The following TSC2 variants were observed in gnomAD, a reference collection of about 807,000 sequenced individuals.
TSC2 encodes the protein TSC complex subunit 2, also known as tuberin.
In TSC2, 29 loss-of-function variants were observed where a neutral mutation model predicts 202.2. The ratio of observed to expected loss-of-function variants is 0.14; its 90% CI spans 0.11 to 0.20. The LOEUF (loss-of-function observed/expected upper bound fraction) is 0.20. Among genes scored for constraint, TSC2 ranks in the 10% least tolerant of loss-of-function variants. The pLI is 1.00. For synonymous variants in TSC2, 1,349 were observed against 1,044.0 expected (o/e 1.29, Z -5.63); for missense variants, 2,429 against 2,420.0 (o/e 1.00, Z -0.08).
At chr16:2,080,685 T>A (rs9936277) in intron 30 of TSC2, 2 of 373,756 alleles carry the variant, frequency 5.4e-6, no homozygotes, top group East Asian at 5.7e-5. Flanking sequence ...GGGGTTTCAC[T>A]GTGTTAGCCA....
chr16:2,063,949 C>T (rs994053952), intron 14 of TSC2: 4 of 460,688 alleles, frequency 8.7e-6, no homozygotes, highest in Non-Finnish European at 1.6e-5. Context: ...CGCACAGCAC[C>T]ATGTGGGAGG....
chr16:2,084,186 G>GT, intron 33 of TSC2, 42 bp from the exon 34 acceptor site: 2 of 1,552,592 alleles, frequency 1.3e-6, no homozygotes, highest in Non-Finnish European at 1.7e-6. Flanking sequence ...GGGCTCGAGG[G>GT]TGCCTGCTGA....
intron 16 of TSC2, among the ~76,000 whole-genome samples, chr16:2,066,651 CTTTTT>C (rs34619573): frequency 1.0e-5 from 1 of 98,458 alleles, no homozygotes; most frequent in Non-Finnish European, 1.9e-5. Context: ...TCTGATTTAT[CTTTTT>C]TTTTTTTTTT....
Position 2,076,741 on chromosome 16 carries a change from A to ACCCCTCAG in TSC2, c.2837+166_2837+173dup, listed in dbSNP as rs576003937. 2.3e-4 allele frequency: 171 copies of ACCCCTCAG among 751,392 alleles called. 2 individuals carry two copies. The South Asian group carries it at 2.6e-3, about 12-fold the overall frequency. The allele number at this position is 751,392 out of a possible 1,614,324, so 46.5% of individuals were successfully genotyped here. A position where few individuals can be genotyped will look rare whatever the true frequency, so the allele number is the denominator to read the frequency against. On this transcript the variant is annotated intron_variant, in intron 25 of 41. Transcript: ENST00000219476. The stretch of plus-strand genomic sequence containing the variant: ...GGCAGGACCTGCAAGGGCCGCTAAC[A>ACCCCTCAG]CCCCTCAGCCCCTCAGCAGGTTGGC...
rs2091243947 is a variant in TSC2 at position 2,088,721 on chromosome 16, G to C, written c.*111G>C. 3.5e-6 allele frequency: 5 copies of C among 1,411,910 alleles called. No individual in the cohort carries two copies. The highest frequency in any genetic ancestry group is 2.9e-5 in the African/African-American group (2 of 69,682). 87.5% of individuals were successfully genotyped at this position (1,411,910 alleles called of 1,614,324 possible). A position where few individuals can be genotyped will look rare whatever the true frequency, so the allele number is the denominator to read the frequency against. On this transcript the variant is annotated 3_prime_UTR_variant, in exon 42 of 42. Transcript: ENST00000219476. ...TAGAGGCACAGATTGCAGTCAGACA[G>C]CTCTTTTATTGACTTTGTCTGCTTG... is the stretch of plus-strand genomic sequence containing the variant.
Position 2,071,590 on chromosome 16 carries a change from C to T in TSC2, c.1920C>T (p.Phe640=), listed in dbSNP as rs2151298515. 1.2e-6 allele frequency: 2 copies of T among 1,613,464 alleles called. No homozygotes were observed. Among genetic ancestry groups the T allele is most frequent in the South Asian group, 2.2e-5 (2 of 91,082 alleles). The change falls in exon 18 of 42, where the codon TTC becomes TTT. Residue 640 remains phenylalanine, a synonymous_variant. Transcript: ENST00000219476. ...GLPNKDGVVR[F]SPYCVCDYME... Reference sequence around the variant, plus strand: ...CCAACAAGGATGGAGTCGTGCGGTTCAGCCCCTACTGCGTCTGCGACTACA... The same window carrying T: ...CCAACAAGGATGGAGTCGTGCGGTTTAGCCCCTACTGCGTCTGCGACTACA...
At chr16:2,075,752 G>T in intron 22 of TSC2, 47 bp from the exon 23 acceptor site, 1 of 1,595,110 alleles carries the variant, frequency 6.3e-7, no homozygotes, top group South Asian at 1.1e-5. Flanking sequence ...CTTCAGAGGC[G>T]CTGCACGGGA....
intron 32 of TSC2, 105 bp from the exon 33 acceptor site, chr16:2,083,590 G>T: frequency 6.5e-7 from 1 of 1,533,192 alleles, no homozygotes. Flanking sequence ...GAGGCTCGCA[G>T]GGCTGCTGTC....
rs1555500558 is a variant in TSC2 at position 2,060,771 on chromosome 16, C to T, written c.1077C>T (p.Asp359=). ...AGGAGCTCCAGGTGGTGGCGTGGGA[C>T]ATTCTGCTGAACATCATCGAACGGC... is the stretch of plus-strand genomic sequence containing the variant. ...YRKELQVVAW[D]ILLNIIERLL... Residue 359 remains aspartate, a synonymous_variant, in exon 11 of 42, where the codon GAC becomes GAT. Coordinates refer to ENST00000219476, the MANE Select transcript of TSC2 (RefSeq NM_000548.5). 9 of 1,613,922 alleles carry T rather than the reference C, an allele frequency of 5.6e-6. No individual in the cohort carries two copies. Among genetic ancestry groups the T allele is most frequent in the Non-Finnish European group, 6.8e-6 (8 of 1,179,918 alleles).
chr16:2,069,070 G>A (rs1458197174), intron 16 of TSC2, among the ~76,000 whole-genome samples: 1 of 152,070 alleles, frequency 6.6e-6, no homozygotes, highest in Non-Finnish European at 1.5e-5. Flanking sequence ...GACCCATGAA[G>A]GCCAGCCTCG....
intron 15 of TSC2, 88 bp from the exon 16 acceptor site, chr16:2,065,431 A>G (rs1596316570): frequency 1.2e-6 from 1 of 851,874 alleles, no homozygotes; most frequent in East Asian, 2.8e-5. Context: ...AAAAAAAAAA[A>G]AAAAAGGTGT....
At position 2,060,708 on chromosome 16, in the gene TSC2, C is replaced by A; in HGVS notation, c.1014C>A (p.Ile338=). The change falls in exon 11 of 42, where the codon ATC becomes ATA. Residue 338 remains isoleucine (I), a synonymous_variant. Coordinates refer to ENST00000219476, the MANE Select transcript of TSC2 (RefSeq NM_000548.5). ...ACPNEVVSYE[I]VLSITRLIKK... ...CGAACGAGGTGGTGTCCTATGAGAT[C>A]GTCCTGTCCATCACCAGGCTCATCA... The A allele has an allele frequency of 6.2e-7, 1 of 1,614,134 alleles. No individual in the cohort carries two copies. Among genetic ancestry groups the A allele is most frequent in the Non-Finnish European group, 8.5e-7 (1 of 1,180,032 alleles).
rs1230726900 is a variant in TSC2, at chr16:2,088,544, T to G, written c.5358T>G (p.Pro1786=). Residue 1786 remains proline, a synonymous_variant, in exon 42 of 42, where the codon CCT becomes CCG. Transcript: ENST00000219476. ...CACAGACTCCAGCCGAGCCCACACC[T>G]GGCTATGAGGTGGGCCAGCGGAAGC... The part of the protein sequence containing the change: ...APAQTPAEPT[P]GYEVGQRKRL... 6.2e-7 allele frequency: 1 copy of G among 1,612,062 alleles called. No individual in the cohort carries two copies. The highest frequency in any genetic ancestry group is 2.2e-5 in the East Asian group (1 of 44,868).
At position 2,077,703 on chromosome 16, in the gene TSC2, T is replaced by C. The variant is rs1596375342; in HGVS notation, c.2943T>C (p.Ser981=). 6.2e-7 allele frequency: 1 copy of C among 1,612,966 alleles called. No homozygotes were observed. The highest frequency in any genetic ancestry group is 8.5e-7 in the Non-Finnish European group (1 of 1,180,012). Residue 981 remains serine (S), a synonymous_variant, in exon 26 of 42, where the codon AGT becomes AGC. Transcript: ENST00000219476. ...AGGCCTTCCGGTGCCGCAGCATCAG[T>C]GTGTCTGAACATGTGGTCCGCAGGT... is the stretch of plus-strand genomic sequence containing the variant. The part of the protein sequence containing the change: ...AAEAFRCRSI[S]VSEHVVRSRI...
rs2090761880 is a variant in TSC2, at chr16:2,086,178, C to T, written c.4663-15C>T. The T allele has an allele frequency of 1.2e-6, 2 of 1,611,636 alleles. No homozygotes were observed. Among genetic ancestry groups the T allele is most frequent in the South Asian group, 1.1e-5 (1 of 91,072 alleles). ...CCGGGAGTGATGCCACCCTGCCTCTCCCCTCTCCCCACAGAGCAACAGCGA... is the reference window on the plus strand; with the variant it reads ...CCGGGAGTGATGCCACCCTGCCTCTTCCCTCTCCCCACAGAGCAACAGCGA... On this transcript the variant is annotated splice_polypyrimidine_tract_variant and intron_variant, in intron 36 of 41. Transcript: ENST00000219476.
Position 2,081,744 on chromosome 16 carries a change from T to A in TSC2, c.3760T>A (p.Ser1254Thr). The change falls in exon 31 of 42, where the codon TCG (serine) becomes ACG (threonine). Residue 1254 changes from serine to threonine, a missense_variant. Ser to Thr is a moderately conservative substitution (Grantham distance 58). Transcript: ENST00000219476. ...HRDTALYKSL[S>T]VPAASTAKPP... ...GGACACAGCCCTGTACAAGTCACTG[T>A]CGGTGCCGGCAGCCAGCACGGCCAA... is the stretch of plus-strand genomic sequence containing the variant. The A allele has an allele frequency of 6.2e-7, 1 of 1,612,898 alleles. No individual in the cohort carries two copies. Among genetic ancestry groups the A allele is most frequent in the South Asian group, 1.1e-5 (1 of 91,082 alleles).
In TSC2 at chr16:2,089,029, CTT is replaced by C. The variant is rs2091296749; in HGVS notation, c.*420_*421del. 1 of 206,666 alleles carries C rather than the reference CTT, an allele frequency of 4.8e-6. No individual in the cohort carries two copies. Among genetic ancestry groups the C allele is most frequent in the Non-Finnish European group, 9.9e-6 (1 of 100,850 alleles). The allele number at this position is 206,666 out of a possible 1,614,324, so 12.8% of individuals were successfully genotyped here. A position where few individuals can be genotyped will look rare whatever the true frequency, so the allele number is the denominator to read the frequency against. On this transcript the variant is annotated 3_prime_UTR_variant, in exon 42 of 42. Transcript: ENST00000219476. Reference sequence around the variant, plus strand: ...TGCCAGCAGGCCTGGGCGCTGCTCTCTTGCTACCTGGCCTGGGGCAAGGGAGG... The same window carrying C: ...TGCCAGCAGGCCTGGGCGCTGCTCTCGCTACCTGGCCTGGGGCAAGGGAGG...
chr16:2,082,728 G>A (rs1162858492), intron 32 of TSC2: 2 of 621,290 alleles, frequency 3.2e-6, no homozygotes, highest in African/African-American at 3.6e-5. Flanking sequence ...CCCACGCTGT[G>A]CGAGCACTCC....
At chr16:2,073,864 C>T (rs777530047) in intron 21 of TSC2, among the ~76,000 whole-genome samples, 2 of 152,284 alleles carry the variant, frequency 1.3e-5, no homozygotes, top group African/African-American at 4.8e-5. Flanking sequence ...AAGACACTGC[C>T]CAGGGTTGGT....
Sources: allele counts gnomAD v4.1 joint callset (sites outside exome capture counted in the v4.1 genomes callset), GRCh38; gene constraint gnomAD v4.1.1; transcripts MANE v1.5; gene names NCBI Gene and HGNC (gene_info 2026-07-23, HGNC 2026-07-21).